The following PNO1 variants were observed in gnomAD, a reference collection of about 807,000 sequenced individuals.
The protein encoded by PNO1 is partner of NOB1 homolog.
A neutral mutation model predicts 28.4 loss-of-function variants in PNO1; 16 were observed. That is an observed-to-expected ratio of 0.56 (90% CI 0.38 to 0.85). The LOEUF is 0.85. Among genes scored for constraint, PNO1 ranks in the 40% least tolerant of loss-of-function variants. PNO1 has a pLI of 0.00. For synonymous variants in PNO1, 115 were observed against 110.8 expected, an observed-to-expected ratio of 1.04 and a Z score of -0.24; for missense variants, 304 against 312.2, an observed-to-expected ratio of 0.97 and a Z score of 0.20.
At chr2:68,169,686 A>G (rs1674078777) in intron 5 of PNO1, among the ~76,000 whole-genome samples, 1 of 152,312 alleles carries the variant, frequency 6.6e-6, no homozygotes, top group Middle Eastern at 3.4e-3. Flanking sequence ...TTAACTTTTT[A>G]TAATAGATTT....
At chr2:68,169,759 A>T (rs1373652359) in intron 5 of PNO1, among the ~76,000 whole-genome samples, 1 of 152,190 alleles carries the variant, frequency 6.6e-6, no homozygotes, top group Non-Finnish European at 1.5e-5. Context: ...TGCATTCATG[A>T]CGTAGCTTTT....
intron 2 of PNO1, among the ~76,000 whole-genome samples, chr2:68,160,961 G>A (rs1231800978): frequency 1.3e-5 from 2 of 152,196 alleles, no homozygotes; most frequent in Non-Finnish European, 1.5e-5. Context: ...TAACAGTTTT[G>A]AAATCAGACC....
At chr2:68,170,007 T>G (rs966233724) in intron 5 of PNO1, among the ~76,000 whole-genome samples, 4 of 152,228 alleles carry the variant, frequency 2.6e-5, no homozygotes, top group Non-Finnish European at 5.9e-5. Context: ...GAATTACTTA[T>G]ATCTTTTGTG....
At chr2:68,171,295 G>T (rs1054482504) in intron 5 of PNO1, among the ~76,000 whole-genome samples, 1 of 152,204 alleles carries the variant, frequency 6.6e-6, no homozygotes, top group Non-Finnish European at 1.5e-5. Context: ...TCCTGGAGAT[G>T]TTCTGTTCCA....
chr2:68,164,553 T>G (rs1673925250), intron 5 of PNO1, among the ~76,000 whole-genome samples: 1 of 151,894 alleles, frequency 6.6e-6, no homozygotes, highest in African/African-American at 2.4e-5. Flanking sequence ...ATCCCAGCAC[T>G]TTGGGAGGCC....
Position 68,162,586 on chromosome 2 carries a change from A to G in PNO1, c.543A>G (p.Gly181=). The G allele has an allele frequency of 6.2e-7, 1 of 1,613,996 alleles. No homozygotes were observed. The highest frequency in any genetic ancestry group is 8.5e-7 in the Non-Finnish European group (1 of 1,179,864). ...LKGDHLSRAI[G]RIAGKGGKTK... ...GAGACCATCTATCCAGGGCAATAGG[A>G]AGAATCGCTGGCAAAGGAGGAAAAA... Residue 181 remains glycine, a synonymous_variant, in exon 5 of 7, where the codon GGA becomes GGG. Coordinates refer to ENST00000263657, the MANE Select transcript of PNO1 (RefSeq NM_020143.4).
chr2:68,169,447 A>C (rs887560878), intron 5 of PNO1, among the ~76,000 whole-genome samples: 1 of 152,224 alleles, frequency 6.6e-6, no homozygotes, highest in Non-Finnish European at 1.5e-5. Flanking sequence ...TATGGGAGAT[A>C]ATCAGCATCA....
In PNO1 at chr2:68,162,559, G is replaced by A; in HGVS notation, c.516G>A (p.Lys172=). 1 of 1,612,304 alleles carries A rather than the reference G, an allele frequency of 6.2e-7. No individual in the cohort carries two copies. The highest frequency in any genetic ancestry group is 8.5e-7 in the Non-Finnish European group (1 of 1,178,392). Reference sequence around the variant, plus strand: ...TTTCTTGTTTAGTTAAACCCCTAAAGGGAGACCATCTATCCAGGGCAATAG... The same window carrying A: ...TTTCTTGTTTAGTTAAACCCCTAAAAGGAGACCATCTATCCAGGGCAATAG... ...SFEITDVKPL[K]GDHLSRAIGR... is the part of the protein sequence containing the mutation. The change falls in exon 5 of 7, where the codon AAG becomes AAA. Residue 172 remains lysine, a synonymous_variant. Transcript: ENST00000263657.
intron 5 of PNO1, among the ~76,000 whole-genome samples, chr2:68,165,545 CAAA>C (rs36126325): frequency 8.9e-5 from 6 of 67,210 alleles, no homozygotes; most frequent in South Asian, 7.1e-4. Context: ...GACTCCATCT[CAAA>C]AAAAAAAAAA....
intron 5 of PNO1, among the ~76,000 whole-genome samples, chr2:68,162,952 A>G (rs1329397604): frequency 1.3e-5 from 2 of 152,224 alleles, no homozygotes; most frequent in Non-Finnish European, 2.9e-5. Flanking sequence ...ACTTTATGAC[A>G]GAGTGTTGAA....
chr2:68,162,622 C>T lies in PNO1; in HGVS notation c.579C>T (p.Thr193=), dbSNP rs1019243656. Residue 193 remains threonine, a synonymous_variant, in exon 5 of 7, where the codon ACC becomes ACT. Transcript: ENST00000263657. ...IAGKGGKTKF[T]IENVTRTRIV... ...GCAAAGGAGGAAAAACCAAATTCACCATAGAGAATGTGACACGGACAAGGA... is the reference window on the plus strand; with the variant it reads ...GCAAAGGAGGAAAAACCAAATTCACTATAGAGAATGTGACACGGACAAGGA... The T allele has an allele frequency of 1.9e-6, 3 of 1,612,998 alleles. No individual in the cohort carries two copies. The highest frequency in any genetic ancestry group is 1.3e-5 in the African/African-American group (1 of 74,862).
Position 68,174,165 on chromosome 2 carries a change from A to AT in PNO1, c.692-566dup, listed in dbSNP as rs1674208184. On this transcript the variant is annotated intron_variant, in intron 6 of 6. Coordinates refer to ENST00000263657, the MANE Select transcript of PNO1 (RefSeq NM_020143.4). ...TTAGCGGCTTGCTCAGAAAATTGGGATTTTCTGGTTCTCAGGCCTCAGTGA... is the reference window on the plus strand; with the variant it reads ...TTAGCGGCTTGCTCAGAAAATTGGGATTTTTCTGGTTCTCAGGCCTCAGTGA... Among the ~76,000 whole-genome samples, 3 of 151,612 alleles carry AT rather than the reference A, an allele frequency of 2.0e-5. No homozygotes were observed. The South Asian group carries it at 6.2e-4, about 31-fold the overall frequency.
chr2:68,171,961 A>T (rs1047460569), intron 5 of PNO1, among the ~76,000 whole-genome samples: 4 of 151,972 alleles, frequency 2.6e-5, no homozygotes, highest in Non-Finnish European at 5.9e-5. Flanking sequence ...GGAGAGTTGG[A>T]TGTTTGAAAT....
intron 5 of PNO1, among the ~76,000 whole-genome samples, chr2:68,165,492 G>A (rs1673967892): frequency 7.0e-6 from 1 of 143,248 alleles, no homozygotes; most frequent in Non-Finnish European, 1.5e-5. Context: ...ACTGCAGTGA[G>A]TCAAGATTGC....
Position 68,158,066 on chromosome 2 carries a change from GGGCCGCATGGACACAGAGGAGGCCAGGCC to G in PNO1, c.136_164del (p.Arg46GlufsTer28). The G allele has an allele frequency of 6.2e-7, 1 of 1,613,822 alleles. No individual in the cohort carries two copies. Among genetic ancestry groups the G allele is most frequent in the Non-Finnish European group, 8.5e-7 (1 of 1,179,960 alleles). On this transcript the variant is annotated frameshift_variant, in exon 1 of 7. Coordinates refer to ENST00000263657, the MANE Select transcript of PNO1 (RefSeq NM_020143.4). LOFTEE classifies it high-confidence loss of function. ...CCGCAGCAGGAGAGGGCGGGGATGC[GGGCCGCATGGACACAGAGGAGGCCAGGCC>G]GGCGAAGAGGCCCGTCTTCCCACCC... is the stretch of plus-strand genomic sequence containing the variant.
chr2:68,159,971 T>C (rs1673788054), intron 2 of PNO1, among the ~76,000 whole-genome samples: 1 of 148,090 alleles, frequency 6.8e-6, no homozygotes, highest in Non-Finnish European at 1.5e-5. Context: ...AAAATTTTTT[T>C]TTTTTTTTTT....
intron 5 of PNO1, among the ~76,000 whole-genome samples, chr2:68,165,131 G>A (rs1339299466): frequency 1.5e-4 from 23 of 151,408 alleles, no homozygotes; most frequent in Admixed American, 1.3e-3. Context: ...TTGGGAGGCC[G>A]AGGCGGGCGG....
intron 3 of PNO1, 35 bp downstream of exon 3, chr2:68,161,801 T>C (rs760355690): frequency 2.2e-6 from 3 of 1,354,828 alleles, no homozygotes; most frequent in South Asian, 1.2e-5. Context: ...ATGGGGACTT[T>C]AAAAATATTC....
chr2:68,160,344 A>G (rs1369388528), intron 2 of PNO1, among the ~76,000 whole-genome samples: 2 of 152,194 alleles, frequency 1.3e-5, no homozygotes, highest in African/African-American at 4.8e-5. Flanking sequence ...CACGGATCAT[A>G]AAGTTTGTTT....
Sources: gnomAD v4.1 joint callset for allele counts (sites outside exome capture counted in the v4.1 genomes callset) on GRCh38, gnomAD v4.1.1 for gene constraint, MANE v1.5 for transcripts, NCBI Gene and HGNC (gene_info 2026-07-23, HGNC 2026-07-21) for gene names.